LIPI: variants seen among roughly 807,000 people sequenced by gnomAD.
The protein encoded by LIPI is lipase I.
LIPI carries 59 observed loss-of-function variants against 50.6 expected under a neutral mutation model. That is an observed-to-expected ratio of 1.16 (90% CI 0.94 to 1.45). The LOEUF (loss-of-function observed/expected upper bound fraction) is 1.45, where lower values mean the gene tolerates loss of function less well. Among genes scored for constraint, LIPI ranks in the 40% most tolerant of loss-of-function variants. The probability of loss-of-function intolerance (pLI) is 0.00; values close to 1 mark genes in which losing one functional copy is unlikely to be tolerated. For missense variants in LIPI, 586 were observed against 536.3 expected (o/e 1.09, Z -0.92); for synonymous variants, 203 against 178.2 (o/e 1.14, Z -1.11).
At chr21:14,207,683 AT>A (rs1198203784) in intron 1 of LIPI, among the ~76,000 whole-genome samples, 8 of 152,170 alleles carry the variant, frequency 5.3e-5, no homozygotes, top group African/African-American at 1.7e-4. Context: ...ATATATCTGC[AT>A]TTTTTTAAGT....
At position 14,169,520 on chromosome 21, in the gene LIPI, A is replaced by G. The variant is rs1450679763; in HGVS notation, c.644-3069T>C. Among the ~76,000 whole-genome samples the G allele has an allele frequency of 1.3e-4, 20 of 152,360 alleles. No individual in the cohort carries two copies. In the South Asian group the frequency reaches 3.1e-3, roughly 24 times the overall value. ...GAAATTATAACAAACTGTCTCTCAG[A>G]CCACAGTGCAATCAAACTAGAACTC... On this transcript the variant is annotated intron_variant, in intron 4 of 9. Coordinates refer to ENST00000681601, the MANE Select transcript of LIPI (RefSeq NM_001302998.2).
chr21:14,168,583 G>T (rs1240777724), intron 4 of LIPI, among the ~76,000 whole-genome samples: 1 of 152,158 alleles, frequency 6.6e-6, no homozygotes, highest in African/African-American at 2.4e-5. Flanking sequence ...GGAAAGAATT[G>T]TCAACCCAGA....
chr21:14,161,367 T>C (rs2018455589), intron 7 of LIPI, among the ~76,000 whole-genome samples: 2 of 143,626 alleles, frequency 1.4e-5, no homozygotes, highest in African/African-American at 2.5e-5. Flanking sequence ...ATATAGGTAA[T>C]ATCTATTATA....
chr21:14,188,559 A>C (rs425131), intron 2 of LIPI, among the ~76,000 whole-genome samples: 59,991 of 130,674 alleles, frequency 0.46, 14,202 homozygotes, highest in Non-Finnish European at 0.52. Flanking sequence ...CAGAGTGAGA[A>C]CCTGTCTCAA....
intron 1 of LIPI, among the ~76,000 whole-genome samples, chr21:14,206,642 C>T (rs985298014): frequency 2.6e-5 from 4 of 152,038 alleles, no homozygotes; most frequent in African/African-American, 9.7e-5. Context: ...AAACCTCCTT[C>T]ATTCTCTTTC....
chr21:14,163,777 G>A (rs866243602), intron 6 of LIPI, among the ~76,000 whole-genome samples: 9 of 151,872 alleles, frequency 5.9e-5, no homozygotes, highest in Admixed American at 2.0e-4. Flanking sequence ...TACTCCATCC[G>A]TATGGCTATA....
chr21:14,176,546 A>C (rs2019103024), intron 4 of LIPI, among the ~76,000 whole-genome samples: 1 of 151,762 alleles, frequency 6.6e-6, no homozygotes, highest in Non-Finnish European at 1.5e-5. Context: ...TGTATTCATT[A>C]GTTATTTTTA....
chr21:14,121,795 C>A (rs116411749), intron 9 of LIPI, among the ~76,000 whole-genome samples: 4,217 of 152,254 alleles, frequency 0.028, 185 homozygotes, highest in African/African-American at 0.093. Flanking sequence ...AGATCCAGAT[C>A]ATCCAACTCG....
intron 7 of LIPI, among the ~76,000 whole-genome samples, chr21:14,154,052 GT>G (rs1196870202): frequency 6.6e-6 from 1 of 152,028 alleles, no homozygotes; most frequent in Non-Finnish European, 1.5e-5. Flanking sequence ...ATTTCTGAGA[GT>G]TTTTTATATC....
chr21:14,198,235 C>T (rs2019929287), intron 1 of LIPI, among the ~76,000 whole-genome samples: 1 of 152,118 alleles, frequency 6.6e-6, no homozygotes, highest in African/African-American at 2.4e-5. Context: ...AACCAGCCAA[C>T]ATCATGAGGA....
At chr21:14,165,915 T>G (rs1378339510) in intron 5 of LIPI, among the ~76,000 whole-genome samples, 2 of 152,220 alleles carry the variant, frequency 1.3e-5, no homozygotes, top group Non-Finnish European at 1.5e-5. Context: ...ATGGCTCTGA[T>G]GTGAGCCAAA....
chr21:14,181,516 T>C (rs969020442), intron 4 of LIPI, among the ~76,000 whole-genome samples: 7 of 152,256 alleles, frequency 4.6e-5, no homozygotes, highest in East Asian at 1.9e-4. Context: ...TTCAGTGTTT[T>C]AGGATGACAT....
At chr21:14,112,996 G>A (rs1290841560) in intron 9 of LIPI, among the ~76,000 whole-genome samples, 1 of 152,116 alleles carries the variant, frequency 6.6e-6, no homozygotes. Flanking sequence ...CACATAGAAG[G>A]GTCTTCTCTA....
intron 9 of LIPI, among the ~76,000 whole-genome samples, chr21:14,138,879 A>C (rs1416030727): frequency 6.6e-6 from 1 of 152,128 alleles, no homozygotes; most frequent in Admixed American, 6.6e-5. Context: ...AATATATTAC[A>C]TTCTTTATAA....
intron 4 of LIPI, among the ~76,000 whole-genome samples, chr21:14,179,989 G>A (rs117647974): frequency 0.048 from 7,260 of 152,160 alleles, 286 homozygotes; most frequent in Admixed American, 0.12. Flanking sequence ...GAAAGATATC[G>A]CTAAATTCTT....
At position 14,209,287 on chromosome 21, in the gene LIPI, C is replaced by T. The variant is rs555621850; in HGVS notation, c.46+1513G>A. Among the ~76,000 whole-genome samples the T allele has an allele frequency of 4.6e-5, 7 of 152,202 alleles. No homozygotes were observed. The South Asian group carries it at 8.3e-4, about 18-fold the overall frequency. On this transcript the variant is annotated intron_variant, in intron 1 of 9. Coordinates refer to ENST00000681601, the MANE Select transcript of LIPI (RefSeq NM_001302998.2). ...AAAAACACCTGACTAAACTGCTTTT[C>T]GGAATGTCGTTTCTTTATTAAAGGC...
intron 1 of LIPI, among the ~76,000 whole-genome samples, chr21:14,204,822 T>G (rs867699853): frequency 6.6e-5 from 10 of 151,924 alleles, no homozygotes; most frequent in African/African-American, 2.4e-4. Flanking sequence ...AGGACACAGT[T>G]AATATATATA....
intron 1 of LIPI, among the ~76,000 whole-genome samples, chr21:14,202,517 G>T (rs2020091834): frequency 6.6e-6 from 1 of 152,144 alleles, no homozygotes; most frequent in African/African-American, 2.4e-5. Flanking sequence ...AGAGCCCTCA[G>T]AAATAATGCC....
At chr21:14,128,718 T>A (rs898650817) in intron 9 of LIPI, among the ~76,000 whole-genome samples, 3 of 152,048 alleles carry the variant, frequency 2.0e-5, no homozygotes. Context: ...AAACTGAAAA[T>A]TCCTTGCTTA....
Sources: gnomAD v4.1 joint callset for allele counts (sites outside exome capture counted in the v4.1 genomes callset) on GRCh38, gnomAD v4.1.1 for gene constraint, MANE v1.5 for transcripts, NCBI Gene and HGNC (gene_info 2026-07-23, HGNC 2026-07-21) for gene names.